GALNT13: variants seen among roughly 807,000 people sequenced by gnomAD.
GALNT13 encodes the protein polypeptide N-acetylgalactosaminyltransferase 13, also known as UDP-GalNAc:polypeptide N-acetylgalactosaminyltransferase 13.
GALNT13 carries 28 observed loss-of-function variants against 64.2 expected under a neutral mutation model. The ratio of observed to expected loss-of-function variants is 0.44; its 90% confidence interval spans 0.32 to 0.60. GALNT13 has a LOEUF of 0.60. GALNT13 is among the 20% of genes least tolerant of loss of function. GALNT13 has a pLI of 0.05. For synonymous variants in GALNT13, 214 were observed against 224.6 expected (o/e 0.95, Z 0.42); for missense variants, 577 against 669.8 (o/e 0.86, Z 1.53).
chr2:154,110,302 T>G (rs867075030), intron 3 of GALNT13, among the ~76,000 whole-genome samples: 1,118 of 30,230 alleles, frequency 0.037, 113 homozygotes, highest in East Asian at 0.099. Context: ...TATATATATA[T>G]ATATATATAT....
the GALNT13 span, among the ~76,000 whole-genome samples, chr2:153,414,395 AAT>A: frequency 4.0e-5 from 6 of 151,776 alleles, no homozygotes; most frequent in East Asian, 3.9e-4. Context: ...ATAAAAAAAA[AAT>A]AAAATAAAAA....
chr2:153,922,397 G>A (rs926275150), intron 2 of GALNT13, among the ~76,000 whole-genome samples: 3 of 152,160 alleles, frequency 2.0e-5, no homozygotes, highest in African/African-American at 7.2e-5. Flanking sequence ...AACAGTGGAA[G>A]ATTTTCCTTG....
At chr2:153,972,633 G>T (rs1275738160) in intron 3 of GALNT13, among the ~76,000 whole-genome samples, 3 of 151,830 alleles carry the variant, frequency 2.0e-5, no homozygotes, top group African/African-American at 7.3e-5. Context: ...CATAATATGT[G>T]CATGTAACTC....
the GALNT13 span, among the ~76,000 whole-genome samples, chr2:153,337,453 A>C: frequency 6.6e-6 from 1 of 152,234 alleles, no homozygotes; most frequent in African/African-American, 2.4e-5. Flanking sequence ...GCAAGGAAAA[A>C]ATTATGTAAA....
At chr2:153,501,071 A>AT in the GALNT13 span, among the ~76,000 whole-genome samples, 106 of 139,060 alleles carry the variant, frequency 7.6e-4, no homozygotes, top group African/African-American at 2.7e-3. Context: ...CAGTAAAAAA[A>AT]AAAAATATAT....
chr2:153,456,153 A>G, the GALNT13 span, among the ~76,000 whole-genome samples: 3 of 152,162 alleles, frequency 2.0e-5, no homozygotes, highest in Non-Finnish European at 2.9e-5. Flanking sequence ...GGAAAAGGCA[A>G]CATTCAAGCA....
chr2:154,301,602 G>T lies in GALNT13; in HGVS notation c.1156+13G>T. ...ATCATATCCCCAGGTACACAATTCTGACATTTTTCTTTCTCTACAGGAGAA... is the reference window on the plus strand; with the variant it reads ...ATCATATCCCCAGGTACACAATTCTTACATTTTTCTTTCTCTACAGGAGAA... On this transcript the variant is annotated intron_variant, in intron 9 of 12. Transcript: ENST00000392825. 1 of 1,572,214 alleles carries T rather than the reference G, an allele frequency of 6.4e-7. No individual in the cohort carries two copies. The highest frequency in any genetic ancestry group is 1.1e-5 in the South Asian group (1 of 88,246).
At chr2:154,445,877 CT>C in intron 12 of GALNT13, 1 of 1,221,992 alleles carries the variant, frequency 8.2e-7, no homozygotes, top group Non-Finnish European at 1.1e-6. Flanking sequence ...TTTCCTGGAG[CT>C]TATGTTCCTA....
chr2:153,853,878 G>A, the GALNT13 span, among the ~76,000 whole-genome samples: 1 of 151,786 alleles, frequency 6.6e-6, no homozygotes, highest in Non-Finnish European at 1.5e-5. Flanking sequence ...TAGAAAAAGA[G>A]TTATAAGAGA....
intron 4 of GALNT13, among the ~76,000 whole-genome samples, chr2:154,157,185 AG>A (rs966526373): frequency 5.3e-5 from 8 of 152,084 alleles, no homozygotes; most frequent in South Asian, 4.1e-4. Context: ...ATAGATGCAA[AG>A]AAAACTCCCC....
At chr2:153,195,383 G>A in the GALNT13 span, among the ~76,000 whole-genome samples, 1 of 152,152 alleles carries the variant, frequency 6.6e-6, no homozygotes, top group South Asian at 2.1e-4. Context: ...TGAGCAGCCA[G>A]GGGTGTGTGA....
At chr2:154,213,968 T>G (rs1483646609) in intron 4 of GALNT13, among the ~76,000 whole-genome samples, 1 of 152,194 alleles carries the variant, frequency 6.6e-6, no homozygotes, top group Non-Finnish European at 1.5e-5. Flanking sequence ...CATTGTATTC[T>G]CATTTAAACA....
the GALNT13 span, among the ~76,000 whole-genome samples, chr2:153,368,789 T>C: frequency 2.3e-4 from 35 of 152,202 alleles, 1 homozygote; most frequent in East Asian, 2.1e-3. Flanking sequence ...ATAGAGAGGA[T>C]GAGAGGATCT....
the GALNT13 span, among the ~76,000 whole-genome samples, chr2:153,538,326 C>CTTTTTTTTTTTTTTTATTTT: frequency 2.0e-5 from 2 of 100,846 alleles, no homozygotes; most frequent in African/African-American, 3.5e-5. Flanking sequence ...TTTTTTAATT[C>CTTTTTTTTTTTTTTTATTTT]TTTTTTTTTT....
chr2:154,287,220 A>C lies in GALNT13; in HGVS notation c.976-14189A>C, dbSNP rs921289464. The C allele has an allele frequency of 4.8e-6, 6 of 1,257,400 alleles. No individual in the cohort carries two copies. In the African/African-American group the frequency reaches 8.8e-5, roughly 18 times the overall value. 77.9% of individuals were successfully genotyped at this position (1,257,400 alleles called of 1,614,324 possible). ...GCCAGATTTGTGGTGGAAAAGGCTG[A>C]GCATCAGAAGAAGGCAGCCATCATC... On this transcript the variant is annotated intron_variant, in intron 8 of 12. Coordinates refer to ENST00000392825, the MANE Select transcript of GALNT13 (RefSeq NM_052917.4).
At chr2:153,740,775 G>A in the GALNT13 span, among the ~76,000 whole-genome samples, 3 of 152,170 alleles carry the variant, frequency 2.0e-5, no homozygotes, top group Admixed American at 1.3e-4. Flanking sequence ...TTGAGTGACA[G>A]TTGGGCTAGT....
chr2:154,094,007 G>A (rs1229308358), intron 3 of GALNT13, among the ~76,000 whole-genome samples: 1 of 151,790 alleles, frequency 6.6e-6, no homozygotes, highest in African/African-American at 2.4e-5. Context: ...CCTATCTGTG[G>A]AGACTGTCAC....
chr2:153,211,378 G>GGCAATCCAC, the GALNT13 span, among the ~76,000 whole-genome samples: 1 of 152,036 alleles, frequency 6.6e-6, no homozygotes, highest in Non-Finnish European at 1.5e-5. Context: ...CCTGCACTCA[G>GGCAATCCAC]GCAATCCACC....
chr2:153,432,993 C>T, the GALNT13 span, among the ~76,000 whole-genome samples: 1 of 151,918 alleles, frequency 6.6e-6, no homozygotes, highest in East Asian at 1.9e-4. Context: ...CACTCATGCA[C>T]GTGCACACAC....
Sources: gnomAD v4.1 joint callset for allele counts (sites outside exome capture counted in the v4.1 genomes callset) on GRCh38, gnomAD v4.1.1 for gene constraint, MANE v1.5 for transcripts, NCBI Gene and HGNC (gene_info 2026-07-23, HGNC 2026-07-21) for gene names.